CSMD3: variants seen among roughly 807,000 people sequenced by gnomAD.
CSMD3 encodes the protein CUB and sushi domain-containing protein 3.
In CSMD3, 177 loss-of-function variants were observed where a neutral mutation model predicts 435.2. The observed-to-expected ratio is 0.41, with a 90% CI of 0.36 to 0.46. The LOEUF (loss-of-function observed/expected upper bound fraction) is 0.46, where lower values mean the gene tolerates loss of function less well. Ranked by LOEUF, CSMD3 falls within the 20% of genes least tolerant of loss-of-function variation. The pLI is 0.34. For synonymous variants in CSMD3, 1,656 were observed against 1,520.5 expected, an observed-to-expected ratio of 1.09 and a Z score of -2.07; for missense variants, 4,265 against 4,504.6, an observed-to-expected ratio of 0.95 and a Z score of 1.52.
intron 32 of CSMD3, among the ~76,000 whole-genome samples, chr8:112,450,851 G>A (rs186770565): frequency 6.6e-6 from 1 of 152,220 alleles, no homozygotes; most frequent in East Asian, 1.9e-4. Context: ...TTTAAAATAT[G>A]TATCAAGAAT....
intron 32 of CSMD3, among the ~76,000 whole-genome samples, chr8:112,420,938 A>G (rs1476581551): frequency 6.6e-6 from 1 of 152,086 alleles, no homozygotes; most frequent in Non-Finnish European, 1.5e-5. Flanking sequence ...GTTGCCTCCT[A>G]CGCACACTCT....
chr8:113,410,375 A>G (rs576548023), intron 1 of CSMD3, among the ~76,000 whole-genome samples: 2 of 152,172 alleles, frequency 1.3e-5, no homozygotes, highest in Non-Finnish European at 2.9e-5. Flanking sequence ...ACAGCTCATT[A>G]AAGAGTTATT....
intron 27 of CSMD3, among the ~76,000 whole-genome samples, chr8:112,518,890 T>C (rs1272402983): frequency 6.6e-6 from 1 of 151,968 alleles, no homozygotes; most frequent in East Asian, 1.9e-4. Flanking sequence ...GGGAGGCAAC[T>C]ACATCTTACC....
chr8:113,346,762 A>G (rs1413257771), intron 1 of CSMD3, among the ~76,000 whole-genome samples: 1 of 152,150 alleles, frequency 6.6e-6, no homozygotes, highest in East Asian at 1.9e-4. Flanking sequence ...AATAATTTAT[A>G]GTTGAATGAC....
At chr8:113,206,721 A>C (rs1482785452) in intron 3 of CSMD3, among the ~76,000 whole-genome samples, 3 of 152,294 alleles carry the variant, frequency 2.0e-5, no homozygotes, top group African/African-American at 7.2e-5. Flanking sequence ...TAACTAGATT[A>C]GTTTATAAAT....
chr8:112,566,882 T>C (rs1168897156), intron 24 of CSMD3, among the ~76,000 whole-genome samples: 6 of 152,128 alleles, frequency 3.9e-5, no homozygotes, highest in Non-Finnish European at 7.4e-5. Context: ...TTTGGACCTA[T>C]GAAAATCAGA....
rs375624973 is a variant in CSMD3 at position 113,019,076 on chromosome 8, G to T, written c.1021C>A (p.Pro341Thr). 4 of 1,601,102 alleles carry T rather than the reference G, an allele frequency of 2.5e-6. No homozygotes were observed. Among genetic ancestry groups the T allele is most frequent in the Non-Finnish European group, 3.4e-6 (4 of 1,168,306 alleles). ...TATTCCATAAGTATACCTTGATAGG[G>T]AGCACTAAATCCACGGTATCGATGA... ...SNHRYRGFSAPYQGSSTLTHT... is the reference protein window; with the variant it reads ...SNHRYRGFSATYQGSSTLTHT... The change falls in exon 6 of 71, where the codon CCC becomes ACC. Residue 341 changes from proline to threonine, a missense_variant. Pro to Thr is a conservative substitution (Grantham distance 38). Around this residue, in one of 3 missense-constraint regions of CSMD3, gnomAD observed 731 missense variants for 755.4 expected, o/e 0.97. Coordinates refer to ENST00000297405, the MANE Select transcript of CSMD3 (RefSeq NM_198123.2).
chr8:112,645,631 T>C (rs1475692179), intron 19 of CSMD3, among the ~76,000 whole-genome samples: 1 of 152,182 alleles, frequency 6.6e-6, no homozygotes, highest in East Asian at 1.9e-4. Context: ...TTTATAGGAT[T>C]CCTTTCAAAA....
At chr8:113,003,976 A>C (rs2085961817) in intron 6 of CSMD3, among the ~76,000 whole-genome samples, 1 of 152,102 alleles carries the variant, frequency 6.6e-6, no homozygotes, top group Non-Finnish European at 1.5e-5. Context: ...CAAAAAAGTA[A>C]ACAGTAAAAA....
intron 4 of CSMD3, among the ~76,000 whole-genome samples, chr8:113,122,813 A>G (rs1350187777): frequency 6.6e-6 from 1 of 152,102 alleles, no homozygotes; most frequent in African/African-American, 2.4e-5. Context: ...TTGTTGTTTT[A>G]AGACACTGTA....
At chr8:113,289,828 G>A (rs2132522904) in intron 2 of CSMD3, among the ~76,000 whole-genome samples, 1 of 151,634 alleles carries the variant, frequency 6.6e-6, no homozygotes, top group Middle Eastern at 3.4e-3. Context: ...TTCCCATATT[G>A]ACAATTTTTT....
At chr8:112,514,749 C>T (rs1256551087) in intron 28 of CSMD3, among the ~76,000 whole-genome samples, 3 of 151,930 alleles carry the variant, frequency 2.0e-5, no homozygotes, top group Non-Finnish European at 4.4e-5. Context: ...GCAAGCAAAA[C>T]GCTTTATGCT....
chr8:112,330,828 C>T (rs1823975385), intron 45 of CSMD3, among the ~76,000 whole-genome samples: 1 of 152,006 alleles, frequency 6.6e-6, no homozygotes, highest in Non-Finnish European at 1.5e-5. Flanking sequence ...ATAATACCAG[C>T]TTAGAACATT....
At chr8:113,042,776 T>G (rs999882491) in intron 5 of CSMD3, among the ~76,000 whole-genome samples, 7 of 152,064 alleles carry the variant, frequency 4.6e-5, no homozygotes, top group Admixed American at 6.6e-5. Flanking sequence ...AAGAAGGAAA[T>G]GGAAATAATA....
chr8:112,280,779 C>G lies in CSMD3; in HGVS notation c.9508+395G>C, dbSNP rs560625226. On this transcript the variant is annotated intron_variant, in intron 59 of 70. Coordinates refer to ENST00000297405, the MANE Select transcript of CSMD3 (RefSeq NM_198123.2). Reference sequence around the variant, plus strand: ...AGACTCACTACGACAGTGCAAGAACCCATAAAGAATCAGTATGCCTTTTAA... The same window carrying G: ...AGACTCACTACGACAGTGCAAGAACGCATAAAGAATCAGTATGCCTTTTAA... Among the ~76,000 whole-genome samples, 69 of 152,136 alleles carry G rather than the reference C, an allele frequency of 4.5e-4. No individual in the cohort carries two copies. The South Asian group carries it at 0.014, about 32-fold the overall frequency.
At chr8:112,411,989 C>A (rs1404703984) in intron 32 of CSMD3, among the ~76,000 whole-genome samples, 1 of 152,032 alleles carries the variant, frequency 6.6e-6, no homozygotes, top group African/African-American at 2.4e-5. Context: ...GCCCAGTGAA[C>A]AGATTTATTT....
intron 32 of CSMD3, among the ~76,000 whole-genome samples, chr8:112,419,743 G>A (rs1812283347): frequency 6.6e-6 from 1 of 151,970 alleles, no homozygotes; most frequent in Non-Finnish European, 1.5e-5. Flanking sequence ...CATCTTATAA[G>A]CAAATATAGT....
intron 38 of CSMD3, among the ~76,000 whole-genome samples, chr8:112,353,377 G>T (rs1322825821): frequency 6.6e-6 from 1 of 152,046 alleles, no homozygotes. Context: ...GTGACAGAGC[G>T]AGACTTCATC....
chr8:112,899,403 G>A (rs2082038456), intron 10 of CSMD3, among the ~76,000 whole-genome samples: 1 of 149,562 alleles, frequency 6.7e-6, no homozygotes, highest in Admixed American at 6.7e-5. Flanking sequence ...CCTAAAATAT[G>A]TGCATATAGG....
Sources: gnomAD v4.1 joint callset for allele counts (sites outside exome capture counted in the v4.1 genomes callset) on GRCh38, gnomAD v4.1.1 for gene constraint, gnomAD v4.1.1 regional missense constraint, MANE v1.5 for transcripts, NCBI Gene and HGNC (gene_info 2026-07-23, HGNC 2026-07-21) for gene names.